DDOST: variants seen among roughly 807,000 people sequenced by gnomAD.
DDOST encodes the protein dolichyl-diphosphooligosaccharide--protein glycosyltransferase non-catalytic subunit, also known as dolichyl-diphosphooligosaccharide--protein glycosyltransferase 48 kDa subunit.
In DDOST, 25 loss-of-function variants were observed where a neutral mutation model predicts 47.6. That is an observed-to-expected ratio of 0.53 (90% CI 0.38 to 0.73). The LOEUF (loss-of-function observed/expected upper bound fraction) is 0.73. Among genes scored for constraint, DDOST ranks in the 30% least tolerant of loss-of-function variants. The pLI, the probability that DDOST is intolerant of heterozygous loss-of-function variation, is 0.00. For missense variants in DDOST, 526 were observed against 573.9 expected (o/e 0.92, Z 0.85); for synonymous variants, 275 against 236.0 (o/e 1.17, Z -1.51).
chr1:20,655,772 A>G lies in DDOST; in HGVS notation c.360T>C (p.Pro120=), dbSNP rs147322620. The G allele has an allele frequency of 1.4e-5, 22 of 1,613,888 alleles. No homozygotes were observed. Among genetic ancestry groups the G allele is most frequent in the Non-Finnish European group, 1.9e-5 (22 of 1,179,964 alleles). Residue 120 remains proline, a synonymous_variant, in exon 4 of 11, where the codon CCT becomes CCC. Coordinates refer to ENST00000602624, the MANE Select transcript of DDOST (RefSeq NM_005216.5). The part of the protein sequence containing the change: ...LVAASSDIGD[P]LRELGSECGI... ...CGCACTCACTGCCCAGCTCTCGAAG[A>G]GGGTCACCTGCACAGACCGAAGAGA... is the stretch of plus-strand genomic sequence containing the variant.
chr1:20,656,759 TAA>T (rs1557573017), intron 2 of DDOST, among the ~76,000 whole-genome samples: 1 of 152,226 alleles, frequency 6.6e-6, no homozygotes. Flanking sequence ...CACTGCTTTT[TAA>T]AAAGTGATCA....
Position 20,661,362 on chromosome 1 carries a change from T to G in DDOST, c.-12A>C, listed in dbSNP as rs61739382. 1.3e-3 allele frequency: 2,064 copies of G among 1,612,698 alleles called. 30 individuals carry two copies. The African/African-American group carries it at 0.025, about 19-fold the overall frequency. On this transcript the variant is annotated 5_prime_UTR_variant, in exon 1 of 11. Coordinates refer to ENST00000602624, the MANE Select transcript of DDOST (RefSeq NM_005216.5). ...GTGCTGGGCTCCATCTTCCTCCTCC[T>G]GCCGAAGGACCCAGCACGTGCACAC...
Position 20,654,285 on chromosome 1 carries a change from G to A in DDOST, c.732C>T (p.Leu244=), listed in dbSNP as rs149114970. 1.9e-5 allele frequency: 29 copies of A among 1,552,344 alleles called. No individual in the cohort carries two copies. The highest frequency in any genetic ancestry group is 3.6e-5 in the South Asian group (3 of 84,114). ...NNARVIFSGS[L]DFFSDSFFNS... ...TGAAGAAGGAGTCGCTGAAGAAGTCGAGGGAGCCGCTGAAGATGACGCGGG... is the reference window on the plus strand; with the variant it reads ...TGAAGAAGGAGTCGCTGAAGAAGTCAAGGGAGCCGCTGAAGATGACGCGGG... The change falls in exon 7 of 11, where the codon CTC becomes CTT. Residue 244 remains leucine (L), a synonymous_variant. Coordinates refer to ENST00000602624, the MANE Select transcript of DDOST (RefSeq NM_005216.5).
intron 5 of DDOST, among the ~76,000 whole-genome samples, chr1:20,655,083 C>T (rs1406814614): frequency 6.6e-6 from 1 of 152,042 alleles, no homozygotes; most frequent in Non-Finnish European, 1.5e-5. Context: ...TGGTCTCAAA[C>T]GCCTGACCTC....
chr1:20,655,549 T>C lies in DDOST; in HGVS notation c.457-15A>G, dbSNP rs759658987. On this transcript the variant is annotated splice_polypyrimidine_tract_variant and intron_variant, in intron 4 of 10. Coordinates refer to ENST00000602624, the MANE Select transcript of DDOST (RefSeq NM_005216.5). Reference sequence around the variant, plus strand: ...ATGAGCGTATGCTGCAAAGAGTAGATGGAAAGGTGGGTGGTCAGGAAAAGG... The same window carrying C: ...ATGAGCGTATGCTGCAAAGAGTAGACGGAAAGGTGGGTGGTCAGGAAAAGG... The C allele has an allele frequency of 8.7e-6, 14 of 1,612,450 alleles. No individual in the cohort carries two copies. Among genetic ancestry groups the C allele is most frequent in the Non-Finnish European group, 1.2e-5 (14 of 1,178,584 alleles).
In DDOST at chr1:20,651,801, T is replaced by TTTTTTTTTTTTA. The variant is rs886045853; in HGVS notation, c.*577_*578insTAAAAAAAAAAA. 1.3e-4 allele frequency: 19 copies of TTTTTTTTTTTTA among 147,208 alleles called. No homozygotes were observed. Among genetic ancestry groups the TTTTTTTTTTTTA allele is most frequent in the Non-Finnish European group, 2.4e-4 (16 of 67,128 alleles). 9.1% of individuals were successfully genotyped at this position (147,208 alleles called of 1,614,324 possible). A position where few individuals can be genotyped will look rare whatever the true frequency, so the allele number is the denominator to read the frequency against. On this transcript the variant is annotated 3_prime_UTR_variant, in exon 11 of 11. Coordinates refer to ENST00000602624, the MANE Select transcript of DDOST (RefSeq NM_005216.5). Reference sequence around the variant, plus strand: ...GTTTGAGGGCAACATCTCGCTTTATTTTTATTTATTTATTTATTTATTTAT... The same window carrying TTTTTTTTTTTTA: ...GTTTGAGGGCAACATCTCGCTTTATTTTTTTTTTTTTATTTATTTATTTATTTATTTATTTAT...
At position 20,660,983 on chromosome 1, in the gene DDOST, A is replaced by T. The variant is rs2053428047; in HGVS notation, c.163T>A (p.Phe55Ile). Residue 55 changes from phenylalanine to isoleucine, a missense_variant, in exon 2 of 11, where the codon TTT becomes ATT. By Grantham distance (21) the Phe-to-Ile change is conservative. Transcript: ENST00000602624. ...LFFRSLKDRGFELTFKTADDP... is the reference protein window; with the variant it reads ...LFFRSLKDRGIELTFKTADDP... ...TCAGCGGTCTTGAATGTGAGCTCAA[A>T]GCCCCGGTCTGGACAAGAAAAAACA... is the stretch of plus-strand genomic sequence containing the variant. 1 of 1,612,438 alleles carries T rather than the reference A, an allele frequency of 6.2e-7. No individual in the cohort carries two copies. The highest frequency in any genetic ancestry group is 1.3e-5 in the African/African-American group (1 of 74,882).
Position 20,654,273 on chromosome 1 carries a change from G to A in DDOST, c.744C>T (p.Ser248=), listed in dbSNP as rs1253059046. The change falls in exon 7 of 11, where the codon AGC becomes AGT. Residue 248 remains serine (S), a synonymous_variant. Transcript: ENST00000602624. ...GCACTGCTGAGTTGAAGAAGGAGTC[G>A]CTGAAGAAGTCGAGGGAGCCGCTGA... ...VIFSGSLDFF[S]DSFFNSAVQK... is the part of the protein sequence containing the mutation. The A allele has an allele frequency of 5.8e-6, 9 of 1,551,874 alleles. No individual in the cohort carries two copies. The highest frequency in any genetic ancestry group is 4.9e-5 in the East Asian group (2 of 40,976).
At chr1:20,655,165 T>TTTTTTG (rs374426404) in intron 5 of DDOST, among the ~76,000 whole-genome samples, 5 of 68,728 alleles carry the variant, frequency 7.3e-5, no homozygotes, top group Non-Finnish European at 3.1e-5. Context: ...CGGCCAACTT[T>TTTTTTG]TTTTTGTTTT....
intron 5 of DDOST, among the ~76,000 whole-genome samples, chr1:20,655,150 G>A (rs1355071126): frequency 6.7e-6 from 1 of 148,458 alleles, no homozygotes; most frequent in African/African-American, 2.5e-5. Flanking sequence ...GTGAGCCACT[G>A]CGCTCGGCCA....
At position 20,661,356 on chromosome 1, in the gene DDOST, T is replaced by A. The variant is rs1410087051; in HGVS notation, c.-6A>T. On this transcript the variant is annotated 5_prime_UTR_variant, in exon 1 of 11. Transcript: ENST00000602624. ...GCCGCGGTGCTGGGCTCCATCTTCC[T>A]CCTCCTGCCGAAGGACCCAGCACGT... is the stretch of plus-strand genomic sequence containing the variant. 13 of 1,612,606 alleles carry A rather than the reference T, an allele frequency of 8.1e-6. No individual in the cohort carries two copies. The highest frequency in any genetic ancestry group is 1.0e-5 in the Non-Finnish European group (12 of 1,179,724).
intron 1 of DDOST, 68 bp from the exon 2 acceptor site, chr1:20,661,059 C>T (rs2053429145): frequency 1.4e-6 from 2 of 1,472,272 alleles, no homozygotes; most frequent in African/African-American, 1.4e-5. Context: ...GCAGACATCG[C>T]GGACCCGCAC....
chr1:20,661,025 G>C (rs752956398), intron 1 of DDOST, 34 bp from the exon 2 acceptor site: 33 of 1,535,778 alleles, frequency 2.1e-5, no homozygotes, highest in East Asian at 4.5e-5. Flanking sequence ...TGAGGAAGAC[G>C]GGACGCGAAG....
chr1:20,659,049 G>A (rs1304513414), intron 2 of DDOST, among the ~76,000 whole-genome samples: 1 of 151,466 alleles, frequency 6.6e-6, no homozygotes, highest in Non-Finnish European at 1.5e-5. Context: ...GTAGAGATGA[G>A]GTCTCACTAT....
At position 20,656,158 on chromosome 1, in the gene DDOST, T is replaced by C. The variant is rs760960831; in HGVS notation, c.295A>G (p.Ile99Val). The C allele has an allele frequency of 1.1e-5, 18 of 1,614,052 alleles. No individual in the cohort carries two copies. In the East Asian group the frequency reaches 3.8e-4, roughly 34 times the overall value. ...DFGGNINVET[I>V]SAFIDGGGSV... The stretch of plus-strand genomic sequence containing the variant: ...CCTCCGCCGTCAATAAAGGCACTGA[T>C]GGTCTCCACGTTGATGTTGCCTCCA... The change falls in exon 3 of 11, where the codon ATC becomes GTC. Residue 99 changes from isoleucine to valine, a missense_variant. Transcript: ENST00000602624.
In DDOST at chr1:20,654,649, A is replaced by G. The variant is rs1317227341; in HGVS notation, c.610T>C (p.Ser204Pro). 6.4e-7 allele frequency: 1 copy of G among 1,565,816 alleles called. No homozygotes were observed. Among genetic ancestry groups the G allele is most frequent in the Non-Finnish European group, 8.7e-7 (1 of 1,154,044 alleles). Residue 204 changes from serine (S) to proline (P), a missense_variant, in exon 6 of 11, where the codon TCT becomes CCT. Ser to Pro is a moderately conservative substitution (Grantham distance 74). Coordinates refer to ENST00000602624, the MANE Select transcript of DDOST (RefSeq NM_005216.5). The part of the protein sequence containing the change: ...VLDILTGSST[S>P]YSFFPDKPIT... ...GGCTTGTCCGGGAAGAAGGAGTAAG[A>G]GGTGGAAGAGCCCGTCAGGATGTCC... is the stretch of plus-strand genomic sequence containing the variant.
chr1:20,655,975 C>T (rs754652501), intron 3 of DDOST, 126 bp downstream of exon 3: 130 of 884,150 alleles, frequency 1.5e-4, no homozygotes, highest in Non-Finnish European at 1.1e-4. Context: ...ACTGAGAAAA[C>T]GGTTCCCTCA....
chr1:20,653,014 A>C, intron 8 of DDOST, 43 bp from the exon 9 acceptor site: 1 of 1,610,608 alleles, frequency 6.2e-7, no homozygotes, highest in African/African-American at 1.3e-5. Flanking sequence ...CCATGACTGG[A>C]GGCCTTCCAC....
chr1:20,657,285 G>A (rs927790977), intron 2 of DDOST, among the ~76,000 whole-genome samples: 11 of 152,214 alleles, frequency 7.2e-5, no homozygotes, highest in Admixed American at 2.0e-4. Flanking sequence ...CACCCCACAC[G>A]AGGGACCTGC....
Sources: allele counts gnomAD v4.1 joint callset (sites outside exome capture counted in the v4.1 genomes callset), GRCh38; gene constraint gnomAD v4.1.1; transcripts MANE v1.5; gene names NCBI Gene and HGNC (gene_info 2026-07-23, HGNC 2026-07-21).